The following SLC3A2 variants were observed in gnomAD, a reference collection of about 807,000 sequenced individuals.
SLC3A2 encodes the protein amino acid transporter heavy chain SLC3A2.
Under a neutral mutation model 48.5 loss-of-function variants are expected in SLC3A2, and 32 were observed. The ratio of observed to expected loss-of-function variants is 0.66; its 90% CI spans 0.50 to 0.89. The LOEUF (loss-of-function observed/expected upper bound fraction) is 0.89, where lower values mean the gene tolerates loss of function less well. SLC3A2 is among the 40% of genes least tolerant of loss of function. The pLI, the probability that SLC3A2 is intolerant of heterozygous loss-of-function variation, is 0.00. For missense variants in SLC3A2, 587 were observed against 680.7 expected (o/e 0.86, Z 1.53); for synonymous variants, 277 against 288.8 (o/e 0.96, Z 0.41).
chr11:62,885,678 C>T (rs749184608), intron 7 of SLC3A2, 70 bp downstream of exon 7: 262 of 1,548,546 alleles, frequency 1.7e-4, no homozygotes, highest in Non-Finnish European at 2.2e-4. Flanking sequence ...CTGGGGATGG[C>T]GGCACATAGA....
chr11:62,870,387 T>A (rs1207403034), intron 1 of SLC3A2, among the ~76,000 whole-genome samples: 1 of 150,704 alleles, frequency 6.6e-6, no homozygotes, highest in Non-Finnish European at 1.5e-5. Flanking sequence ...TTTTTTACCA[T>A]GTTGGCCAGG....
chr11:62,883,071 G>A (rs2085664149), intron 3 of SLC3A2, 72 bp downstream of exon 3: 2 of 1,415,328 alleles, frequency 1.4e-6, no homozygotes. Context: ...AGCAAGCCCT[G>A]TAGACCCAGC....
At chr11:62,859,943 G>A (rs1442241876) in intron 1 of SLC3A2, among the ~76,000 whole-genome samples, 2 of 152,170 alleles carry the variant, frequency 1.3e-5, no homozygotes, top group East Asian at 3.8e-4. Context: ...GAAGAAAAGT[G>A]GACCCGGGGA....
At chr11:62,860,023 T>C (rs1212205444) in intron 1 of SLC3A2, among the ~76,000 whole-genome samples, 1 of 152,192 alleles carries the variant, frequency 6.6e-6, no homozygotes, top group Non-Finnish European at 1.5e-5. Flanking sequence ...TATTGATCAC[T>C]ATCTCTACCA....
At chr11:62,884,037 T>C (rs1299671094) in intron 3 of SLC3A2, 1 of 459,226 alleles carries the variant, frequency 2.2e-6, no homozygotes, top group Admixed American at 2.3e-5. Flanking sequence ...TTTTAGATCC[T>C]GTCTGCTGCT....
intron 1 of SLC3A2, among the ~76,000 whole-genome samples, chr11:62,859,885 GGACGAGA>G (rs1196313230): frequency 6.6e-6 from 1 of 152,118 alleles, no homozygotes; most frequent in Non-Finnish European, 1.5e-5. Context: ...TCGTCAGGTG[GGACGAGA>G]GACTGAGAAA....
chr11:62,869,901 G>C (rs1426209276), intron 1 of SLC3A2, among the ~76,000 whole-genome samples: 1 of 150,884 alleles, frequency 6.6e-6, no homozygotes, highest in Non-Finnish European at 1.5e-5. Flanking sequence ...TCCTGCCTCA[G>C]CCTCTTGAGT....
chr11:62,883,316 A>T (rs1453709833), intron 3 of SLC3A2: 1 of 325,748 alleles, frequency 3.1e-6, no homozygotes, highest in African/African-American at 2.1e-5. Flanking sequence ...CTCTGTGAGA[A>T]TCCTGTCCTG....
In SLC3A2 at chr11:62,881,595, G is replaced by A; in HGVS notation, c.424+148G>A. 1.7e-6 allele frequency: 2 copies of A among 1,149,216 alleles called. No individual in the cohort carries two copies. The highest frequency in any genetic ancestry group is 1.6e-5 in the South Asian group (1 of 61,452). The allele number at this position is 1,149,216 out of a possible 1,614,324, so 71.2% of individuals were successfully genotyped here. ...TCCCCCTTCCCCCACCCCCTCCCCG[G>A]CACATTGTCCTTCCCTCCTTTCTTT... On this transcript the variant is annotated intron_variant, in intron 1 of 8. Transcript: ENST00000338663. The surrounding 1 kb of genome is among the most constrained non-coding windows in gnomAD (Gnocchi z 4.0).
chr11:62,866,929 C>T (rs1436662853), intron 1 of SLC3A2, among the ~76,000 whole-genome samples: 3 of 152,100 alleles, frequency 2.0e-5, no homozygotes, highest in Non-Finnish European at 2.9e-5. Flanking sequence ...CACATTCCAC[C>T]GTATCTTTTG....
chr11:62,876,910 T>G, upstream of SLC3A2: 1 of 1,000,670 alleles, frequency 1.0e-6, no homozygotes, highest in Non-Finnish European at 1.2e-6. Context: ...GTTTGTTTTA[T>G]TTTGGTTGAA....
At chr11:62,885,677 G>A in intron 7 of SLC3A2, 69 bp downstream of exon 7, 1 of 1,558,604 alleles carries the variant, frequency 6.4e-7, no homozygotes. Flanking sequence ...TCTGGGGATG[G>A]CGGCACATAG....
At chr11:62,887,105 T>G (rs1443657657) in intron 7 of SLC3A2, among the ~76,000 whole-genome samples, 5 of 152,244 alleles carry the variant, frequency 3.3e-5, no homozygotes, top group South Asian at 2.1e-4. Flanking sequence ...AATTTCTGTC[T>G]GTTACACTGA....
exon 1 of SLC3A2, chr11:62,856,218 C>G: frequency 1.4e-6 from 2 of 1,465,480 alleles, no homozygotes; most frequent in Non-Finnish European, 1.9e-6. Flanking sequence ...TAACCCTGTT[C>G]TGAGCTGCCC....
At chr11:62,886,768 G>A (rs184502654) in intron 7 of SLC3A2, among the ~76,000 whole-genome samples, 231 of 152,182 alleles carry the variant, frequency 1.5e-3, no homozygotes, top group Non-Finnish European at 2.6e-3. Context: ...CACCATGCCC[G>A]GCTAATTTTT....
At chr11:62,871,641 C>T (rs948247226) in intron 1 of SLC3A2, 9 of 663,434 alleles carry the variant, frequency 1.4e-5, no homozygotes, top group South Asian at 1.3e-4. Flanking sequence ...ATCCTCCTGC[C>T]TTAGCTTCCA....
chr11:62,882,980 C>T lies in SLC3A2; in HGVS notation c.671C>T (p.Thr224Ile), dbSNP rs1038260433. The change falls in exon 3 of 9, where the codon ACT becomes ATT. Residue 224 changes from threonine to isoleucine, a missense_variant. Thr to Ile is a moderately conservative substitution (Grantham distance 89, BLOSUM62 -1). Around this residue, in one of 3 missense-constraint regions of SLC3A2, gnomAD observed 409 missense variants for 446.7 expected, o/e 0.92. Transcript: ENST00000338663. ...TCGTGGTTCTCCACTCAGGTTGACA[C>T]TGTGGCCACCAAGGTGAAGGTGAGT... ...ENSWFSTQVD[T>I]VATKVKDALE... 1 of 1,614,210 alleles carries T rather than the reference C, an allele frequency of 6.2e-7. No individual in the cohort carries two copies. Among genetic ancestry groups the T allele is most frequent in the Non-Finnish European group, 8.5e-7 (1 of 1,180,022 alleles).
At position 62,888,602 on chromosome 11, in the gene SLC3A2, C is replaced by T. The variant is rs1381785751; in HGVS notation, c.1499C>T (p.Pro500Leu). ...GCTGACCTCCTGCTCAGCACCCAGC[C>T]AGGCCGTGAGGAGGGCTCCCCTCTT... ...AKADLLLSTQ[P>L]GREEGSPLEL... is the part of the protein sequence containing the mutation. The change falls in exon 9 of 9, where the codon CCA (proline) becomes CTA (leucine). Residue 500 changes from proline (P) to leucine (L), a missense_variant. Physicochemically the swap from Pro to Leu is moderately conservative, Grantham distance 98 (BLOSUM62 -3). Coordinates refer to ENST00000338663, the MANE Select transcript of SLC3A2 (RefSeq NM_001013251.3). 1 of 1,612,660 alleles carries T rather than the reference C, an allele frequency of 6.2e-7. No homozygotes were observed. The highest frequency in any genetic ancestry group is 8.5e-7 in the Non-Finnish European group (1 of 1,180,028).
chr11:62,865,111 T>C (rs992018537), intron 1 of SLC3A2, among the ~76,000 whole-genome samples: 1 of 152,182 alleles, frequency 6.6e-6, no homozygotes, highest in Non-Finnish European at 1.5e-5. Flanking sequence ...TCAAAGTGTT[T>C]AGGCATTTCC....
Sources: gnomAD v4.1 joint callset for allele counts (sites outside exome capture counted in the v4.1 genomes callset) on GRCh38, gnomAD v4.1.1 for gene constraint, gnomAD v4.1.1 regional missense constraint, Gnocchi (gnomAD v3.1) non-coding constraint, MANE v1.5 for transcripts, NCBI Gene and HGNC (gene_info 2026-07-23, HGNC 2026-07-21) for gene names.